Variants in KCNH1 observed in about 807,000 individuals in gnomAD.
The protein encoded by KCNH1 is potassium voltage-gated channel subfamily H member 1, also known as voltage-gated delayed rectifier potassium channel KCNH1.
Under a neutral mutation model 69.2 loss-of-function variants are expected in KCNH1, and 27 were observed. That is an observed-to-expected ratio of 0.39 (90% CI 0.29 to 0.54). The LOEUF (loss-of-function observed/expected upper bound fraction) is 0.54, where lower values mean the gene tolerates loss of function less well. Ranked by LOEUF, KCNH1 falls within the 20% of genes least tolerant of loss-of-function variation. The pLI, the probability that KCNH1 is intolerant of heterozygous loss-of-function variation, is 0.68. For missense variants in KCNH1, 798 were observed against 1,261.6 expected (o/e 0.63, Z 5.57); for synonymous variants, 456 against 487.7 (o/e 0.93, Z 0.86).
At chr1:210,862,380 C>T (rs116754364) in intron 7 of KCNH1, 142 of 624,560 alleles carry the variant, frequency 2.3e-4, no homozygotes, top group African/African-American at 1.5e-3. Context: ...CGGCAACTGG[C>T]GCAAAAGGGC....
chr1:210,995,480 T>A (rs1689012490), intron 6 of KCNH1, among the ~76,000 whole-genome samples: 1 of 152,132 alleles, frequency 6.6e-6, no homozygotes, highest in African/African-American at 2.4e-5. Flanking sequence ...CTTCCTAAAC[T>A]TACAGTACAC....
intron 6 of KCNH1, among the ~76,000 whole-genome samples, chr1:210,982,581 C>T (rs1313889645): frequency 6.6e-6 from 1 of 152,216 alleles, no homozygotes; most frequent in Non-Finnish European, 1.5e-5. Context: ...CATCCATGTC[C>T]CTACAAAGGA....
At chr1:210,907,521 A>G (rs973022376) in intron 7 of KCNH1, among the ~76,000 whole-genome samples, 7 of 144,646 alleles carry the variant, frequency 4.8e-5, no homozygotes, top group Admixed American at 4.2e-4. Context: ...AGGAAAAAGG[A>G]CTGGGAAGAA....
intron 10 of KCNH1, among the ~76,000 whole-genome samples, chr1:210,685,511 G>T (rs1681390696): frequency 6.6e-6 from 1 of 152,176 alleles, no homozygotes; most frequent in East Asian, 1.9e-4. Context: ...GGGTCAGAAA[G>T]AACTAAGTTT....
At chr1:210,770,895 C>A (rs988728653) in intron 10 of KCNH1, among the ~76,000 whole-genome samples, 2 of 152,158 alleles carry the variant, frequency 1.3e-5, no homozygotes, top group Admixed American at 6.5e-5. Context: ...CAGAAGAGCA[C>A]GTGCCAGGTT....
intron 5 of KCNH1, among the ~76,000 whole-genome samples, chr1:211,051,686 T>C (rs978368016): frequency 2.6e-5 from 4 of 152,320 alleles, no homozygotes; most frequent in East Asian, 1.9e-4. Flanking sequence ...TAAGTCACCA[T>C]GTAAAATTTA....
chr1:210,725,848 C>T (rs1265366645), intron 10 of KCNH1, among the ~76,000 whole-genome samples: 1 of 152,036 alleles, frequency 6.6e-6, no homozygotes, highest in South Asian at 2.1e-4. Context: ...GTCCATTATC[C>T]TCTGTCTGTT....
chr1:210,893,468 G>C (rs1172379118), intron 7 of KCNH1, among the ~76,000 whole-genome samples: 1 of 151,806 alleles, frequency 6.6e-6, no homozygotes, highest in African/African-American at 2.4e-5. Context: ...AAATTTTTAT[G>C]ATGTACCTTG....
chr1:211,064,228 G>A (rs1260850818), intron 5 of KCNH1, among the ~76,000 whole-genome samples: 2 of 152,110 alleles, frequency 1.3e-5, no homozygotes, highest in African/African-American at 4.8e-5. Flanking sequence ...AATGCTCTTA[G>A]GAAAATATAC....
intron 10 of KCNH1, among the ~76,000 whole-genome samples, chr1:210,719,078 G>T (rs940673368): frequency 2.6e-5 from 4 of 152,122 alleles, no homozygotes; most frequent in East Asian, 1.9e-4. Flanking sequence ...CCATTGCTAC[G>T]TGTGGCCGTT....
intron 10 of KCNH1, among the ~76,000 whole-genome samples, chr1:210,687,960 G>A (rs1407545553): frequency 6.6e-6 from 1 of 152,144 alleles, no homozygotes; most frequent in Admixed American, 6.5e-5. Context: ...GGTGATGGAT[G>A]GAGGTCTAGG....
intron 5 of KCNH1, among the ~76,000 whole-genome samples, chr1:211,048,625 A>T (rs1237921519): frequency 6.6e-6 from 1 of 152,180 alleles, no homozygotes; most frequent in Non-Finnish European, 1.5e-5. Context: ...GTTCTCACTT[A>T]TAAGTGCGAG....
At chr1:211,068,800 C>G (rs925817329) in intron 5 of KCNH1, among the ~76,000 whole-genome samples, 4 of 152,176 alleles carry the variant, frequency 2.6e-5, no homozygotes, top group Admixed American at 2.6e-4. Context: ...CTGGCCCGAG[C>G]AGACAGGCAT....
chr1:210,780,853 C>T (rs921503747), intron 9 of KCNH1, among the ~76,000 whole-genome samples: 2 of 152,156 alleles, frequency 1.3e-5, no homozygotes, highest in Non-Finnish European at 2.9e-5. Context: ...AGAGACCATC[C>T]TGGCTAACAC....
chr1:210,750,835 AAG>A (rs1185966046), intron 10 of KCNH1, among the ~76,000 whole-genome samples: 91 of 152,288 alleles, frequency 6.0e-4, no homozygotes, highest in African/African-American at 2.1e-3. Flanking sequence ...ATTAGAATCC[AAG>A]TTTGGGATGA....
intron 3 of KCNH1, among the ~76,000 whole-genome samples, chr1:211,095,064 G>T (rs1052521635): frequency 6.6e-6 from 1 of 152,124 alleles, no homozygotes; most frequent in African/African-American, 2.4e-5. Flanking sequence ...AGAGCTTGGG[G>T]CAAGTAGCCT....
chr1:211,096,912 A>G (rs1297574695), intron 3 of KCNH1, among the ~76,000 whole-genome samples: 1 of 152,244 alleles, frequency 6.6e-6, no homozygotes, highest in African/African-American at 2.4e-5. Context: ...AATAAAAATA[A>G]TATCATTCAT....
intron 5 of KCNH1, among the ~76,000 whole-genome samples, chr1:211,054,143 G>A (rs369897739): frequency 1.3e-4 from 20 of 151,796 alleles, no homozygotes; most frequent in Non-Finnish European, 2.1e-4. Context: ...TTAGCTGGGC[G>A]TGGTGGTGCA....
chr1:210,795,347 A>G (rs1390103095), intron 9 of KCNH1, among the ~76,000 whole-genome samples: 6 of 152,082 alleles, frequency 3.9e-5, no homozygotes, highest in Non-Finnish European at 7.4e-5. Flanking sequence ...GGGTTTTGCC[A>G]TGTTGCCCAG....
Sources: allele counts gnomAD v4.1 joint callset (sites outside exome capture counted in the v4.1 genomes callset), GRCh38; gene constraint gnomAD v4.1.1; transcripts MANE v1.5; gene names NCBI Gene and HGNC (gene_info 2026-07-23, HGNC 2026-07-21).